PTPRN2: variants seen among roughly 807,000 people sequenced by gnomAD.
The protein encoded by PTPRN2 is receptor-type tyrosine-protein phosphatase N2.
A neutral mutation model predicts 118.8 loss-of-function variants in PTPRN2; 74 were observed. The observed-to-expected ratio is 0.62, with a 90% CI of 0.52 to 0.76. The LOEUF (loss-of-function observed/expected upper bound fraction) is 0.76, where lower values mean the gene tolerates loss of function less well. Among genes scored for constraint, PTPRN2 ranks in the 30% least tolerant of loss-of-function variants. The pLI, the probability that PTPRN2 is intolerant of heterozygous loss-of-function variation, is 0.00. For missense variants in PTPRN2, 1,481 were observed against 1,394.4 expected (o/e 1.06, Z -0.99); for synonymous variants, 641 against 608.0 (o/e 1.05, Z -0.80).
At chr7:158,530,399 G>C (rs2129448690) in intron 1 of PTPRN2, among the ~76,000 whole-genome samples, 2 of 152,340 alleles carry the variant, frequency 1.3e-5, no homozygotes, top group South Asian at 4.1e-4. Flanking sequence ...AGGCTCTGCA[G>C]GAGCTCCTGG....
At chr7:158,492,933 C>A (rs1219202930) in intron 1 of PTPRN2, among the ~76,000 whole-genome samples, 1 of 152,252 alleles carries the variant, frequency 6.6e-6, no homozygotes, top group Non-Finnish European at 1.5e-5. Context: ...ACTGCATACA[C>A]TAAGGTCCAG....
At position 157,540,632 on chromosome 7, in the gene PTPRN2, A is replaced by G; in HGVS notation, c.*82T>C. On this transcript the variant is annotated 3_prime_UTR_variant, in exon 23 of 23. Coordinates refer to ENST00000389418, the MANE Select transcript of PTPRN2 (RefSeq NM_002847.5). ...CCCTATTACTATGCAGTTATAATAGAAGACACACAATTAAAGTCAGATCAT... is the reference window on the plus strand; with the variant it reads ...CCCTATTACTATGCAGTTATAATAGGAGACACACAATTAAAGTCAGATCAT... The G allele has an allele frequency of 2.5e-6, 3 of 1,215,518 alleles. No homozygotes were observed. Among genetic ancestry groups the G allele is most frequent in the South Asian group, 1.3e-5 (1 of 74,082 alleles). The allele number at this position is 1,215,518 out of a possible 1,614,324, so 75.3% of individuals were successfully genotyped here.
intron 11 of PTPRN2, among the ~76,000 whole-genome samples, chr7:157,948,684 C>A (rs1488235574): frequency 6.6e-6 from 1 of 152,042 alleles, no homozygotes; most frequent in Non-Finnish European, 1.5e-5. Context: ...AAAGTATGAC[C>A]AACTACGGGT....
intron 1 of PTPRN2, chr7:158,541,328 T>G (rs1825971314): frequency 2.4e-6 from 2 of 818,420 alleles, no homozygotes; most frequent in Admixed American, 2.9e-5. Flanking sequence ...TTTAGTGCAC[T>G]GAGTTTTGAC....
At chr7:157,606,748 C>T (rs904011979) in intron 15 of PTPRN2, among the ~76,000 whole-genome samples, 4 of 152,200 alleles carry the variant, frequency 2.6e-5, no homozygotes, top group Non-Finnish European at 4.4e-5. Flanking sequence ...TGCTTCTCTA[C>T]GCAATTCTTT....
intron 12 of PTPRN2, among the ~76,000 whole-genome samples, chr7:157,872,526 G>A (rs984200842): frequency 1.1e-4 from 17 of 149,440 alleles, no homozygotes; most frequent in African/African-American, 3.6e-4. Context: ...CAGTGCCTCC[G>A]CACACATGGA....
intron 12 of PTPRN2, among the ~76,000 whole-genome samples, chr7:157,722,676 C>CG (rs1341960134): frequency 5.3e-5 from 8 of 152,018 alleles, no homozygotes; most frequent in Admixed American, 2.0e-4. Flanking sequence ...CAGGTGCAGC[C>CG]GGGGGGGACA....
In PTPRN2 at chr7:157,862,846, T is replaced by TGCGCGGGAAGCGGCGAGGTGC. The variant is rs879867229; in HGVS notation, c.1788+35826_1788+35827insGCACCTCGCCGCTTCCCGCGC. 1,097 of 152,260 alleles carry TGCGCGGGAAGCGGCGAGGTGC rather than the reference T, an allele frequency of 7.2e-3. 29 individuals carry two copies. Among genetic ancestry groups the TGCGCGGGAAGCGGCGAGGTGC allele is most frequent in the African/African-American group, 0.025 (1,048 of 41,120 alleles). The allele number at this position is 152,260 out of a possible 1,614,324, so 9.4% of individuals were successfully genotyped here. A position where few individuals can be genotyped will look rare whatever the true frequency, so the allele number is the denominator to read the frequency against. Reference sequence around the variant, plus strand: ...GAGGTGCGCGGGAAGCGGCGAGGTGTGCGGGAAGCGGCGAGGACCGGCTTT... The same window carrying TGCGCGGGAAGCGGCGAGGTGC: ...GAGGTGCGCGGGAAGCGGCGAGGTGTGCGCGGGAAGCGGCGAGGTGCGCGGGAAGCGGCGAGGACCGGCTTT... On this transcript the variant is annotated intron_variant, in intron 12 of 22. Coordinates refer to ENST00000389418, the MANE Select transcript of PTPRN2 (RefSeq NM_002847.5).
intron 1 of PTPRN2, among the ~76,000 whole-genome samples, chr7:158,502,676 G>A (rs1822454810): frequency 6.6e-6 from 1 of 152,238 alleles, no homozygotes; most frequent in Non-Finnish European, 1.5e-5. Context: ...CACACACCAC[G>A]CTGTTGATTC....
At chr7:157,911,069 T>C (rs1342371774) in intron 11 of PTPRN2, among the ~76,000 whole-genome samples, 1 of 152,200 alleles carries the variant, frequency 6.6e-6, no homozygotes, top group Admixed American at 6.5e-5. Context: ...ATCTCTCTTT[T>C]CTTCTTTGGC....
At chr7:158,583,184 A>G (rs1469087937) in intron 1 of PTPRN2, among the ~76,000 whole-genome samples, 5 of 152,190 alleles carry the variant, frequency 3.3e-5, no homozygotes, top group Non-Finnish European at 4.4e-5. Context: ...CTAGGACAAA[A>G]CAAACCCAGA....
intron 10 of PTPRN2, among the ~76,000 whole-genome samples, chr7:158,106,365 A>T (rs1424974376): frequency 6.6e-6 from 1 of 151,742 alleles, no homozygotes; most frequent in East Asian, 1.9e-4. Flanking sequence ...CTTGAGTTCC[A>T]TCCCAACCTC....
Position 158,331,470 on chromosome 7 carries a change from G to A in PTPRN2, c.164-14538C>T, listed in dbSNP as rs1171181957. ...ACCATAAGAGCTGACACCCGCAGAC[G>A]TCACTCACACCCACACTCTCACCAT... is the stretch of plus-strand genomic sequence containing the variant. On this transcript the variant is annotated intron_variant, in intron 2 of 22. Coordinates refer to ENST00000389418, the MANE Select transcript of PTPRN2 (RefSeq NM_002847.5). 6.8e-5 allele frequency among the ~76,000 whole-genome samples: 10 copies of A among 147,170 alleles called. No individual in the cohort carries two copies. The East Asian group carries it at 1.6e-3, about 23-fold the overall frequency.
chr7:158,210,541 G>T (rs1350176312), intron 3 of PTPRN2, among the ~76,000 whole-genome samples: 1 of 152,042 alleles, frequency 6.6e-6, no homozygotes, highest in East Asian at 1.9e-4. Flanking sequence ...CAAAAAGTTG[G>T]TTTTTGAAAA....
chr7:158,267,179 C>T (rs2150947632), intron 3 of PTPRN2, among the ~76,000 whole-genome samples: 1 of 152,324 alleles, frequency 6.6e-6, no homozygotes, highest in Non-Finnish European at 1.5e-5. Context: ...GCTGCTTAAT[C>T]AGGAAGGAGC....
At chr7:158,182,492 G>A (rs1824798820) in intron 5 of PTPRN2, among the ~76,000 whole-genome samples, 2 of 152,048 alleles carry the variant, frequency 1.3e-5, no homozygotes, top group Admixed American at 1.3e-4. Context: ...ACCCTCAGCA[G>A]GCCCTGGTGT....
At chr7:157,941,725 A>G (rs1489415101) in intron 11 of PTPRN2, among the ~76,000 whole-genome samples, 2 of 152,044 alleles carry the variant, frequency 1.3e-5, no homozygotes, top group Admixed American at 1.3e-4. Flanking sequence ...AGCCAGCCAC[A>G]CTCCCTATGC....
intron 17 of PTPRN2, among the ~76,000 whole-genome samples, chr7:157,580,562 A>C (rs1238795193): frequency 6.2e-4 from 77 of 125,182 alleles, no homozygotes; most frequent in African/African-American, 2.0e-3. Flanking sequence ...ACATCTGAGC[A>C]CCTGCACATC....
intron 11 of PTPRN2, among the ~76,000 whole-genome samples, chr7:158,066,965 C>A (rs977506010): frequency 3.3e-5 from 5 of 152,116 alleles, no homozygotes; most frequent in African/African-American, 4.8e-5. Flanking sequence ...TCAGCAAATC[C>A]CACAAAAATT....
Sources: gnomAD v4.1 joint callset for allele counts (sites outside exome capture counted in the v4.1 genomes callset) on GRCh38, gnomAD v4.1.1 for gene constraint, MANE v1.5 for transcripts, NCBI Gene and HGNC (gene_info 2026-07-23, HGNC 2026-07-21) for gene names.